The following GRIK2 variants were observed in gnomAD, a reference collection of about 807,000 sequenced individuals.
The protein encoded by GRIK2 is glutamate ionotropic receptor kainate type subunit 2, also known as glutamate receptor ionotropic, kainate 2.
GRIK2 carries 32 observed loss-of-function variants against 100.3 expected under a neutral mutation model. The observed-to-expected ratio is 0.32, with a 90% CI of 0.24 to 0.43. The LOEUF is 0.43. Ranked by LOEUF, GRIK2 falls within the 20% of genes least tolerant of loss-of-function variation. GRIK2 has a pLI of 1.00. For missense variants in GRIK2, 843 were observed against 1,114.9 expected (o/e 0.76, Z 3.47); for synonymous variants, 417 against 389.4 (o/e 1.07, Z -0.83).
intron 2 of GRIK2, among the ~76,000 whole-genome samples, chr6:101,555,707 A>G (rs991119414): frequency 1.3e-5 from 2 of 152,188 alleles, no homozygotes; most frequent in South Asian, 2.1e-4. Context: ...TTACTTTTTC[A>G]ATTACATTTT....
intron 10 of GRIK2, among the ~76,000 whole-genome samples, chr6:101,852,143 G>T (rs1176758338): frequency 2.0e-5 from 3 of 151,946 alleles, no homozygotes; most frequent in Admixed American, 2.0e-4. Context: ...CTTAGTCATG[G>T]GGATTGGCAA....
At chr6:101,854,897 A>G (rs1383453679) in intron 10 of GRIK2, among the ~76,000 whole-genome samples, 1 of 152,156 alleles carries the variant, frequency 6.6e-6, no homozygotes, top group East Asian at 1.9e-4. Context: ...ATTGAAAATG[A>G]CTTAAGTACT....
intron 4 of GRIK2, among the ~76,000 whole-genome samples, chr6:101,653,250 G>A (rs957579866): frequency 4.0e-5 from 6 of 151,888 alleles, no homozygotes; most frequent in Non-Finnish European, 7.4e-5. Context: ...CCCTCAGAAC[G>A]TCATACCTGT....
At chr6:101,412,097 G>A (rs1263381594) in intron 2 of GRIK2, among the ~76,000 whole-genome samples, 1 of 151,802 alleles carries the variant, frequency 6.6e-6, no homozygotes, top group African/African-American at 2.4e-5. Context: ...GAAATCTCTT[G>A]GACAATACCA....
chr6:102,045,539 G>A (rs1770839589), intron 15 of GRIK2, among the ~76,000 whole-genome samples: 1 of 152,014 alleles, frequency 6.6e-6, no homozygotes, highest in Non-Finnish European at 1.5e-5. Context: ...AACTATAAAT[G>A]ACACTGTTCA....
At chr6:101,449,605 A>C (rs1770556540) in intron 2 of GRIK2, among the ~76,000 whole-genome samples, 1 of 151,790 alleles carries the variant, frequency 6.6e-6, no homozygotes, top group Non-Finnish European at 1.5e-5. Context: ...ATGATTGGAC[A>C]AAGAGAGTAT....
intron 7 of GRIK2, among the ~76,000 whole-genome samples, chr6:101,780,250 A>G (rs1353012166): frequency 2.0e-5 from 3 of 152,080 alleles, no homozygotes; most frequent in East Asian, 1.9e-4. Context: ...CACCCCCTAA[A>G]CTGTGAGATC....
intron 7 of GRIK2, among the ~76,000 whole-genome samples, chr6:101,707,636 A>T (rs937211975): frequency 6.9e-6 from 1 of 145,076 alleles, no homozygotes; most frequent in Non-Finnish European, 1.5e-5. Context: ...ATGAATTGTG[A>T]TAATAGTCCC....
intron 14 of GRIK2, among the ~76,000 whole-genome samples, chr6:101,938,702 G>T (rs1249334386): frequency 1.3e-5 from 2 of 152,028 alleles, no homozygotes; most frequent in African/African-American, 2.4e-5. Flanking sequence ...GAATGTGTCT[G>T]TGTGTGTATG....
At chr6:102,056,786 T>C (rs1179712833) in intron 16 of GRIK2, among the ~76,000 whole-genome samples, 2 of 152,000 alleles carry the variant, frequency 1.3e-5, no homozygotes, top group Admixed American at 6.6e-5. Flanking sequence ...GAATTTTGGA[T>C]ACAGTATTTG....
At chr6:101,475,442 AGTT>A (rs1354834731) in intron 2 of GRIK2, among the ~76,000 whole-genome samples, 1 of 152,068 alleles carries the variant, frequency 6.6e-6, no homozygotes, top group Non-Finnish European at 1.5e-5. Context: ...GCTAATAAAA[AGTT>A]GTTTAGTACA....
intron 2 of GRIK2, among the ~76,000 whole-genome samples, chr6:101,420,359 CG>C (rs1477036883): frequency 9.2e-5 from 14 of 152,198 alleles, no homozygotes; most frequent in Admixed American, 8.5e-4. Context: ...TTATATTTAA[CG>C]ATTTGTTCAT....
intron 7 of GRIK2, among the ~76,000 whole-genome samples, chr6:101,771,587 G>C (rs568008196): frequency 3.4e-4 from 52 of 150,844 alleles, no homozygotes; most frequent in African/African-American, 1.3e-3. Context: ...CAATATGCAG[G>C]TTTGTTACAT....
intron 2 of GRIK2, among the ~76,000 whole-genome samples, chr6:101,482,340 C>T (rs1425754877): frequency 6.6e-6 from 1 of 152,134 alleles, no homozygotes; most frequent in Non-Finnish European, 1.5e-5. Context: ...ACAGGCAAAA[C>T]AGGGATTATC....
intron 12 of GRIK2, among the ~76,000 whole-genome samples, chr6:101,908,973 C>G: frequency 6.6e-6 from 1 of 151,114 alleles, no homozygotes; most frequent in Non-Finnish European, 1.5e-5. Context: ...TGCAAGAGGA[C>G]TGGAAATAGG....
intron 12 of GRIK2, among the ~76,000 whole-genome samples, chr6:101,908,059 GC>G (rs1407487107): frequency 2.0e-5 from 3 of 151,424 alleles, no homozygotes; most frequent in African/African-American, 7.3e-5. Context: ...ACTGATAGGA[GC>G]TTTTCAGCAT....
chr6:101,411,640 T>A (rs1219572749), intron 2 of GRIK2, among the ~76,000 whole-genome samples: 2 of 152,136 alleles, frequency 1.3e-5, no homozygotes, highest in African/African-American at 2.4e-5. Flanking sequence ...CAGTTGATAA[T>A]CATGTCTAGA....
chr6:102,038,010 C>T (rs980853368), intron 15 of GRIK2, among the ~76,000 whole-genome samples: 8 of 151,508 alleles, frequency 5.3e-5, no homozygotes, highest in Non-Finnish European at 1.2e-4. Context: ...CACTGATATT[C>T]TGAACTTATT....
intron 7 of GRIK2, among the ~76,000 whole-genome samples, chr6:101,751,162 C>A (rs1355992068): frequency 2.0e-5 from 3 of 152,060 alleles, no homozygotes; most frequent in Non-Finnish European, 4.4e-5. Context: ...TGGTCTCAAA[C>A]TTGCGGGCTC....
Sources: allele counts gnomAD v4.1 joint callset (sites outside exome capture counted in the v4.1 genomes callset), GRCh38; gene constraint gnomAD v4.1.1; transcripts MANE v1.5; gene names NCBI Gene and HGNC (gene_info 2026-07-23, HGNC 2026-07-21).